Variants in CDC123 observed in about 807,000 individuals in gnomAD.
CDC123 encodes the protein translation initiation factor eIF2 assembly protein.
In CDC123, 37 loss-of-function variants were observed where a neutral mutation model predicts 54.4. The ratio of observed to expected loss-of-function variants is 0.68; its 90% CI spans 0.52 to 0.89. The LOEUF (loss-of-function observed/expected upper bound fraction) is 0.89, where lower values mean the gene tolerates loss of function less well. Among genes scored for constraint, CDC123 ranks in the 40% least tolerant of loss-of-function variants. The pLI is 0.00. For synonymous variants in CDC123, 144 were observed against 136.8 expected, an observed-to-expected ratio of 1.05 and a Z score of -0.37; for missense variants, 361 against 412.1, an observed-to-expected ratio of 0.88 and a Z score of 1.07.
At chr10:12,196,393 C>T (rs1300989117) in intron 1 of CDC123, 74 bp downstream of exon 1, 1 of 1,598,800 alleles carries the variant, frequency 6.3e-7, no homozygotes, top group Non-Finnish European at 8.6e-7. Flanking sequence ...TTACTGCTAT[C>T]CAAAAAAATG....
intron 6 of CDC123, among the ~76,000 whole-genome samples, chr10:12,223,389 A>T (rs1408673268): frequency 1.3e-5 from 2 of 151,396 alleles, no homozygotes; most frequent in Middle Eastern, 3.3e-3. Flanking sequence ...AGGTTCAAGC[A>T]GTTGTCCTGC....
At position 12,197,381 on chromosome 10, in the gene CDC123, A is replaced by ATT. The variant is rs33990698; in HGVS notation, c.74+1073_74+1074dup. Among the ~76,000 whole-genome samples, 500 of 150,576 alleles carry ATT rather than the reference A, an allele frequency of 3.3e-3. 2 individuals carry two copies. Among genetic ancestry groups the ATT allele is most frequent in the African/African-American group, 9.4e-3 (388 of 41,072 alleles). On this transcript the variant is annotated intron_variant, in intron 1 of 12. Coordinates refer to ENST00000281141, the MANE Select transcript of CDC123 (RefSeq NM_006023.3). ...AGAAATTAAAAGCCTGAAGAACTAG[A>ATT]TTTTTTTTTTTTGAGACAGAGTTTT...
chr10:12,238,243 T>C (rs989494677), intron 9 of CDC123, among the ~76,000 whole-genome samples: 4 of 152,222 alleles, frequency 2.6e-5, no homozygotes, highest in Admixed American at 2.6e-4. Context: ...TAGGGGCTTA[T>C]GGTTGGGGAA....
chr10:12,234,689 A>G (rs1356949991), intron 7 of CDC123, among the ~76,000 whole-genome samples: 1 of 150,678 alleles, frequency 6.6e-6, no homozygotes, highest in Non-Finnish European at 1.5e-5. Flanking sequence ...TTTTAGCACA[A>G]TTTTCCTGTG....
intron 10 of CDC123, chr10:12,244,967 C>CCATT (rs2131770182): frequency 1.3e-5 from 2 of 152,498 alleles, no homozygotes; most frequent in Non-Finnish European, 2.9e-5. Context: ...CGAGATCGCA[C>CCATT]CATTGTACTC....
chr10:12,239,710 TAAA>T (rs34401171), intron 10 of CDC123, among the ~76,000 whole-genome samples: 220 of 144,858 alleles, frequency 1.5e-3, no homozygotes, highest in Non-Finnish European at 1.5e-3. Context: ...CTCTGTTTTT[TAAA>T]AAAAAAAAAA....
At chr10:12,215,910 C>T (rs1227699833) in intron 5 of CDC123, 75 bp downstream of exon 5, 14 of 865,096 alleles carry the variant, frequency 1.6e-5, no homozygotes, top group Non-Finnish European at 2.5e-5. Context: ...CATATCCCTA[C>T]AGAGGGTCTA....
Position 12,210,273 on chromosome 10 carries a change from T to C in CDC123, c.205-17T>C. ...ATTTAAATTTAATGTTTTATTTTTT[T>C]CCTCTTTTTCATGCAGTGGTCTGAT... On this transcript the variant is annotated splice_polypyrimidine_tract_variant and intron_variant, in intron 3 of 12. Coordinates refer to ENST00000281141, the MANE Select transcript of CDC123 (RefSeq NM_006023.3). 1.2e-6 allele frequency: 2 copies of C among 1,613,816 alleles called. No homozygotes were observed. The highest frequency in any genetic ancestry group is 1.7e-6 in the Non-Finnish European group (2 of 1,179,924).
chr10:12,197,811 A>G (rs985730832), intron 1 of CDC123, among the ~76,000 whole-genome samples: 10 of 152,162 alleles, frequency 6.6e-5, no homozygotes, highest in African/African-American at 2.4e-4. Flanking sequence ...ATAAATAAAA[A>G]TACTTATTTT....
At chr10:12,219,690 G>GC (rs111956333) in intron 6 of CDC123, among the ~76,000 whole-genome samples, 1 of 144,560 alleles carries the variant, frequency 6.9e-6, no homozygotes, top group African/African-American at 2.5e-5. Context: ...ACTGATAATG[G>GC]TTTTTTTTTT....
intron 10 of CDC123, among the ~76,000 whole-genome samples, chr10:12,240,074 T>C (rs928563033): frequency 2.0e-5 from 3 of 152,096 alleles, no homozygotes; most frequent in Non-Finnish European, 2.9e-5. Flanking sequence ...AAGTTTGAGT[T>C]ACTTTTATCT....
chr10:12,230,200 T>G (rs1038710476), intron 6 of CDC123, among the ~76,000 whole-genome samples: 11 of 146,454 alleles, frequency 7.5e-5, no homozygotes, highest in African/African-American at 2.7e-4. Context: ...GTTTTTTGGG[T>G]TTTTTTTTTT....
intron 6 of CDC123, among the ~76,000 whole-genome samples, chr10:12,220,587 C>G (rs541663273): frequency 1.3e-5 from 2 of 152,218 alleles, no homozygotes; most frequent in Admixed American, 6.5e-5. Context: ...AGCAATTAAT[C>G]GGTTGCATAA....
chr10:12,221,577 G>C (rs552305972), intron 6 of CDC123, among the ~76,000 whole-genome samples: 12 of 152,242 alleles, frequency 7.9e-5, no homozygotes, highest in African/African-American at 2.6e-4. Flanking sequence ...GCTGTGATTC[G>C]TTTAGATCAA....
Position 12,235,124 on chromosome 10 carries a change from G to T in CDC123, c.565+1G>T, listed in dbSNP as rs1304147256. ...TTTGTCAAGGAAAACAAGCTTATTG[G>T]TGAGTTTTTGTTTGTTTGTTTGTTT... is the stretch of plus-strand genomic sequence containing the variant. On this transcript the variant is annotated splice_donor_variant, in intron 8 of 12. Transcript: ENST00000281141. LOFTEE classifies it high-confidence loss of function. 2 of 1,609,822 alleles carry T rather than the reference G, an allele frequency of 1.2e-6. No individual in the cohort carries two copies. Among genetic ancestry groups the T allele is most frequent in the East Asian group, 2.2e-5 (1 of 44,750 alleles).
At chr10:12,242,996 C>G (rs533106602) in intron 10 of CDC123, among the ~76,000 whole-genome samples, 17 of 151,972 alleles carry the variant, frequency 1.1e-4, no homozygotes, top group African/African-American at 4.1e-4. Flanking sequence ...ATAGAAGTTA[C>G]AGCTGGGTTT....
chr10:12,220,931 C>T (rs754796546), intron 6 of CDC123, among the ~76,000 whole-genome samples: 2 of 151,380 alleles, frequency 1.3e-5, no homozygotes, highest in Admixed American at 6.6e-5. Flanking sequence ...GAGCTGAGAT[C>T]GCGCCACTGC....
rs190058860 is a variant in CDC123 at position 12,207,469 on chromosome 10, C to T, written c.147-2498C>T. Among the ~76,000 whole-genome samples the T allele has an allele frequency of 1.5e-3, 233 of 151,914 alleles. 1 individual carries two copies. Among genetic ancestry groups the T allele is most frequent in the African/African-American group, 5.4e-3 (222 of 41,426 alleles). The stretch of plus-strand genomic sequence containing the variant: ...CCCTTTTTTCTCTCCTTTTTGAAAA[C>T]GTTTTTCATCTTGGAGTTTTTTGTC... On this transcript the variant is annotated intron_variant, in intron 2 of 12. Transcript: ENST00000281141.
At chr10:12,229,996 G>C (rs1588679206) in intron 6 of CDC123, among the ~76,000 whole-genome samples, 1 of 152,132 alleles carries the variant, frequency 6.6e-6, no homozygotes, top group Non-Finnish European at 1.5e-5. Context: ...GAGAATCAGG[G>C]GTTAGACAGT....
Sources: gnomAD v4.1 joint callset for allele counts (sites outside exome capture counted in the v4.1 genomes callset) on GRCh38, gnomAD v4.1.1 for gene constraint, MANE v1.5 for transcripts, NCBI Gene and HGNC (gene_info 2026-07-23, HGNC 2026-07-21) for gene names.